The following MROH2A variants were observed in gnomAD, a reference collection of about 807,000 sequenced individuals.
The protein encoded by MROH2A is maestro heat like repeat family member 2A.
In MROH2A, 174 loss-of-function variants were observed where a neutral mutation model predicts 200.4. That is an observed-to-expected ratio of 0.87 (90% CI 0.77 to 0.98). The LOEUF (loss-of-function observed/expected upper bound fraction) is 0.98, where lower values mean the gene tolerates loss of function less well. Ranked by LOEUF, MROH2A falls within the 50% of genes least tolerant of loss-of-function variation. MROH2A has a pLI of 0.00. For synonymous variants in MROH2A, 829 were observed against 840.4 expected (o/e 0.99, Z 0.23); for missense variants, 2,045 against 2,139.6 (o/e 0.96, Z 0.87).
Position 233,796,013 on chromosome 2 carries a change from T to G in MROH2A, c.1106T>G (p.Leu369Arg). The part of the protein sequence containing the change: ...PAQHQYSSQN[L>R]MEMVHCFVAL... ...CAGCATCAGTACAGCAGCCAGAATC[T>G]GATGGAGATGGTGCACTGCTTCGTA... The change falls in exon 10 of 42, where the codon CTG (leucine) becomes CGG (arginine). Residue 369 changes from leucine (L) to arginine (R), a missense_variant. Physicochemically the swap from Leu to Arg is moderately radical, Grantham distance 102. This residue lies in a region of MROH2A where 831 missense variants were observed against 800.0 expected (regional missense o/e 1.04). Coordinates refer to ENST00000389758, the MANE Select transcript of MROH2A (RefSeq NM_001394639.1). The G allele has an allele frequency of 6.4e-7, 1 of 1,550,540 alleles. No homozygotes were observed. The highest frequency in any genetic ancestry group is 8.7e-7 in the Non-Finnish European group (1 of 1,146,946).
At chr2:233,831,848 G>A (rs1704779367) in intron 39 of MROH2A, among the ~76,000 whole-genome samples, 1 of 152,152 alleles carries the variant, frequency 6.6e-6, no homozygotes, top group Non-Finnish European at 1.5e-5. Context: ...AACTATTATT[G>A]TGATATTTTA....
chr2:233,819,908 G>T lies in MROH2A; in HGVS notation c.3364G>T (p.Glu1122Ter). The T allele has an allele frequency of 6.6e-7, 1 of 1,512,652 alleles. No individual in the cohort carries two copies. Among genetic ancestry groups the T allele is most frequent in the Non-Finnish European group, 8.9e-7 (1 of 1,122,252 alleles). 93.7% of individuals were successfully genotyped at this position (1,512,652 alleles called of 1,614,324 possible). ...RAKELEDKVAEILSAILVHLP... is the reference protein window; with the variant it reads ...RAKELEDKVA ...ATGCCCCATCCCTACCTAGGTGGCC[G>T]AGATCCTGAGTGCCATCCTGGTGCA... Residue 1122 changes from glutamate (E) to a stop codon, truncating the protein, a stop_gained, in exon 31 of 42, where the codon GAG (glutamate) becomes TAG (stop). Coordinates refer to ENST00000389758, the MANE Select transcript of MROH2A (RefSeq NM_001394639.1). LOFTEE classifies it high-confidence loss of function.
intron 24 of MROH2A, among the ~76,000 whole-genome samples, chr2:233,812,230 G>A (rs1703208491): frequency 6.6e-6 from 1 of 152,198 alleles, no homozygotes; most frequent in South Asian, 2.1e-4. Flanking sequence ...ATTGATTGGG[G>A]ATATTTTGAG....
chr2:233,821,925 G>A (rs1703962604), intron 31 of MROH2A, among the ~76,000 whole-genome samples, 199 bp from the exon 32 acceptor site: 1 of 152,158 alleles, frequency 6.6e-6, no homozygotes, highest in South Asian at 2.1e-4. Flanking sequence ...GTGAGCCCGT[G>A]CAGAGAAAGG....
rs937099079 is a variant in MROH2A at position 233,829,968 on chromosome 2, C to T, written c.4602+193C>T. ...ACACAGGCTGAGGAGAGAGGCCATC[C>T]GAGATGACCTGCAAAGCCACCTCAC... On this transcript the variant is annotated intron_variant, in intron 38 of 41. Transcript: ENST00000389758. Among the ~76,000 whole-genome samples the T allele has an allele frequency of 2.6e-5, 4 of 152,144 alleles. No homozygotes were observed. In the South Asian group the frequency reaches 8.3e-4, roughly 32 times the overall value.
At chr2:233,785,082 G>T (rs1021985824) in intron 3 of MROH2A, among the ~76,000 whole-genome samples, 4 of 151,854 alleles carry the variant, frequency 2.6e-5, no homozygotes, top group African/African-American at 9.7e-5. Flanking sequence ...GGAGGTGGAG[G>T]TTGCAGTGAG....
intron 14 of MROH2A, among the ~76,000 whole-genome samples, chr2:233,800,716 ACT>A (rs1338044595): frequency 1.3e-5 from 2 of 151,894 alleles, no homozygotes; most frequent in Admixed American, 6.6e-5. Context: ...TTGAGTTCTA[ACT>A]CTGTGAAAGA....
At chr2:233,794,247 C>G (rs1701962264) in intron 7 of MROH2A, 116 bp from the exon 8 acceptor site, 1 of 765,970 alleles carries the variant, frequency 1.3e-6, no homozygotes, top group Non-Finnish European at 2.1e-6. Context: ...AGACCTTGCT[C>G]TGCTTCTGAG....
intron 3 of MROH2A, among the ~76,000 whole-genome samples, chr2:233,787,584 T>A (rs1203086608): frequency 6.6e-5 from 3 of 45,686 alleles, no homozygotes; most frequent in African/African-American, 9.8e-5. Flanking sequence ...ATATCATATA[T>A]ACATATATAT....
At chr2:233,778,614 CT>C (rs1390480357) in intron 1 of MROH2A, 133 bp downstream of exon 1, 1 of 159,258 alleles carries the variant, frequency 6.3e-6, no homozygotes, top group African/African-American at 2.4e-5. Flanking sequence ...ATCTGAGAGC[CT>C]TTCTTCCACC....
At chr2:233,808,284 C>G (rs1330700663) in intron 21 of MROH2A, among the ~76,000 whole-genome samples, 1 of 152,188 alleles carries the variant, frequency 6.6e-6, no homozygotes, top group African/African-American at 2.4e-5. Context: ...TTGAGGGGCT[C>G]TAGCCACTGT....
intron 12 of MROH2A, 73 bp downstream of exon 12, chr2:233,798,923 T>G: frequency 8.0e-7 from 1 of 1,253,256 alleles, no homozygotes; most frequent in Non-Finnish European, 1.1e-6. Flanking sequence ...AAGTCTGGGC[T>G]CTGGGAGGCA....
chr2:233,804,663 C>A, intron 18 of MROH2A, 116 bp downstream of exon 18: 2 of 898,774 alleles, frequency 2.2e-6, no homozygotes, highest in South Asian at 1.6e-5. Context: ...AGGACATGTT[C>A]TCCTTCTGTC....
Position 233,789,966 on chromosome 2 carries a change from A to G in MROH2A, c.523A>G (p.Thr175Ala). The change falls in exon 5 of 42, where the codon ACT becomes GCT. Residue 175 changes from threonine (T) to alanine (A), a missense_variant. By Grantham distance (58) the Thr-to-Ala change is moderately conservative. Coordinates refer to ENST00000389758, the MANE Select transcript of MROH2A (RefSeq NM_001394639.1). Reference protein sequence around the residue: ...LQHHLKPLNLTDEFVIITLAK... With the variant: ...LQHHLKPLNLADEFVIITLAK... ...GCACCACCTCAAGCCCCTCAACCTC[A>G]CTGATGAATTTGTCATCATCACACT... 1 of 1,550,406 alleles carries G rather than the reference A, an allele frequency of 6.4e-7. No individual in the cohort carries two copies. The highest frequency in any genetic ancestry group is 2.4e-5 in the East Asian group (1 of 40,896).
intron 35 of MROH2A, among the ~76,000 whole-genome samples, chr2:233,825,745 G>A (rs185125018): frequency 1.6e-4 from 24 of 152,110 alleles, no homozygotes; most frequent in African/African-American, 4.3e-4. Context: ...TTTTTGCATC[G>A]ATGTTCATCA....
chr2:233,822,266 G>A lies in MROH2A; in HGVS notation c.3655G>A (p.Ala1219Thr). The A allele has an allele frequency of 6.5e-7, 1 of 1,547,524 alleles. No individual in the cohort carries two copies. Among genetic ancestry groups the A allele is most frequent in the Non-Finnish European group, 8.7e-7 (1 of 1,146,968 alleles). The change falls in exon 32 of 42, where the codon GCG becomes ACG. Residue 1219 changes from alanine (A) to threonine (T), a missense_variant. Coordinates refer to ENST00000389758, the MANE Select transcript of MROH2A (RefSeq NM_001394639.1). ...TSKADIWRLA[A>T]VDPLMTLCTI... Reference sequence around the variant, plus strand: ...CAAGGCTGACATCTGGCGCCTGGCTGCGGTGGACCCCCTGATGGTGAGTTG... The same window carrying A: ...CAAGGCTGACATCTGGCGCCTGGCTACGGTGGACCCCCTGATGGTGAGTTG...
intron 13 of MROH2A, 131 bp from the exon 14 acceptor site, chr2:233,800,074 T>G (rs2041652): frequency 0.81 from 875,450 of 1,081,354 alleles, 355,531 homozygotes; most frequent in East Asian, 0.94. Flanking sequence ...CCTAGATATA[T>G]GCACAGCTCT....
intron 3 of MROH2A, among the ~76,000 whole-genome samples, chr2:233,785,795 T>C (rs1306344366): frequency 2.0e-5 from 3 of 151,950 alleles, no homozygotes; most frequent in South Asian, 2.1e-4. Context: ...AAGGAGGTGA[T>C]TGGGAGAGGG....
chr2:233,800,647 G>A (rs1409985771), intron 14 of MROH2A, among the ~76,000 whole-genome samples: 1 of 151,938 alleles, frequency 6.6e-6, no homozygotes, highest in Non-Finnish European at 1.5e-5. Flanking sequence ...GTGTGTGTGT[G>A]TGTGTGTGTG....
Sources: allele counts gnomAD v4.1 joint callset (sites outside exome capture counted in the v4.1 genomes callset), GRCh38; gene constraint gnomAD v4.1.1; regional missense constraint gnomAD v4.1.1; transcripts MANE v1.5; gene names NCBI Gene and HGNC (gene_info 2026-07-23, HGNC 2026-07-21).